Variants in LRP1B observed in about 807,000 individuals in gnomAD.
The protein encoded by LRP1B is LDL receptor related protein 1B, also known as low-density lipoprotein receptor-related protein 1B.
A neutral mutation model predicts 556.6 loss-of-function variants in LRP1B; 217 were observed. That is an observed-to-expected ratio of 0.39 (90% CI 0.35 to 0.44). LRP1B has a LOEUF of 0.44. LRP1B is among the 20% of genes least tolerant of loss of function. The pLI, the probability that LRP1B is intolerant of heterozygous loss-of-function variation, is 1.00. For synonymous variants in LRP1B, 2,047 were observed against 1,865.8 expected (o/e 1.10, Z -2.50); for missense variants, 5,053 against 5,620.8 (o/e 0.90, Z 3.23).
At chr2:140,658,047 A>T (rs1684954319) in intron 41 of LRP1B, among the ~76,000 whole-genome samples, 1 of 152,126 alleles carries the variant, frequency 6.6e-6, no homozygotes, top group Non-Finnish European at 1.5e-5. Context: ...AACATCACAC[A>T]TTCATAAGTT....
At chr2:141,782,380 C>A (rs1444896741) in intron 2 of LRP1B, among the ~76,000 whole-genome samples, 1 of 152,000 alleles carries the variant, frequency 6.6e-6, no homozygotes, top group African/African-American at 2.4e-5. Flanking sequence ...CCCGCTTATG[C>A]ATGTTTTTGA....
At chr2:140,347,411 A>G (rs1030810382) in intron 77 of LRP1B, among the ~76,000 whole-genome samples, 4 of 151,702 alleles carry the variant, frequency 2.6e-5, no homozygotes, top group African/African-American at 9.7e-5. Flanking sequence ...AATAATTATT[A>G]GTATTCTAAC....
chr2:141,240,585 T>A (rs1215075280), intron 5 of LRP1B, among the ~76,000 whole-genome samples: 5 of 151,894 alleles, frequency 3.3e-5, no homozygotes, highest in African/African-American at 4.8e-5. Context: ...AATTTTAAGA[T>A]AGAAAAAGAG....
chr2:141,221,424 C>T (rs752405245), intron 6 of LRP1B, among the ~76,000 whole-genome samples: 14 of 152,026 alleles, frequency 9.2e-5, no homozygotes, highest in African/African-American at 2.7e-4. Flanking sequence ...TTCTTAGAGA[C>T]GTACATAGTC....
At chr2:142,102,559 AAT>A (rs72387198) in intron 1 of LRP1B, among the ~76,000 whole-genome samples, 53,800 of 137,854 alleles carry the variant, frequency 0.39, 10,515 homozygotes, top group East Asian at 0.65. Context: ...AAAATAAAAA[AAT>A]AAAAAAGTAA....
At chr2:140,655,032 G>GTATATATATATATATA (rs145869246) in intron 41 of LRP1B, among the ~76,000 whole-genome samples, 3,160 of 147,002 alleles carry the variant, frequency 0.021, 61 homozygotes, top group Non-Finnish European at 0.033. Context: ...GTATATGTAT[G>GTATATATATATATATA]TATATATATA....
chr2:140,578,280 G>A (rs750534775), intron 43 of LRP1B, among the ~76,000 whole-genome samples: 6 of 150,972 alleles, frequency 4.0e-5, no homozygotes, highest in Admixed American at 6.6e-5. Flanking sequence ...TTTCACTTTC[G>A]TTCTCATCTA....
intron 35 of LRP1B, among the ~76,000 whole-genome samples, chr2:140,721,536 CTTTTTT>C (rs10616730): frequency 7.2e-5 from 5 of 69,568 alleles, no homozygotes; most frequent in African/African-American, 1.8e-4. Context: ...CAAAGATGCA[CTTTTTT>C]TTTTTTTTTT....
chr2:141,426,002 A>G (rs888473786), intron 3 of LRP1B, among the ~76,000 whole-genome samples: 1 of 151,198 alleles, frequency 6.6e-6, no homozygotes, highest in Non-Finnish European at 1.5e-5. Flanking sequence ...GCCCATGCCT[A>G]TGTCCTGAAT....
chr2:140,926,054 TTC>T (rs1282962840), intron 20 of LRP1B, among the ~76,000 whole-genome samples: 17 of 50,942 alleles, frequency 3.3e-4, no homozygotes, highest in African/African-American at 6.3e-4. Context: ...CCTGGAGATT[TTC>T]TTTTTTTTTT....
intron 2 of LRP1B, among the ~76,000 whole-genome samples, chr2:141,715,462 C>A (rs1692549774): frequency 6.6e-6 from 1 of 151,880 alleles, no homozygotes; most frequent in Non-Finnish European, 1.5e-5. Context: ...CAGAGCAAGA[C>A]CCTATCTCAA....
chr2:141,732,368 T>A (rs74420414), intron 2 of LRP1B, among the ~76,000 whole-genome samples: 1 of 143,192 alleles, frequency 7.0e-6, no homozygotes, highest in East Asian at 2.1e-4. Context: ...CATTTTTTTT[T>A]AAATGTGGGA....
At chr2:140,849,303 T>C (rs958467971) in intron 29 of LRP1B, among the ~76,000 whole-genome samples, 1 of 147,958 alleles carries the variant, frequency 6.8e-6, no homozygotes, top group African/African-American at 2.5e-5. Flanking sequence ...ACCTGGTAGA[T>C]GGAGGTTGCA....
intron 20 of LRP1B, among the ~76,000 whole-genome samples, chr2:140,940,485 G>A (rs572128810): frequency 4.6e-5 from 7 of 152,226 alleles, no homozygotes; most frequent in African/African-American, 1.7e-4. Context: ...AGAAAAGACT[G>A]AAGTTTCATG....
intron 3 of LRP1B, among the ~76,000 whole-genome samples, chr2:141,321,037 C>A (rs1195207867): frequency 6.6e-6 from 1 of 151,986 alleles, no homozygotes; most frequent in African/African-American, 2.4e-5. Flanking sequence ...AAACTTTGTT[C>A]TTTATCAAAA....
intron 7 of LRP1B, among the ~76,000 whole-genome samples, chr2:141,151,550 G>C (rs950114532): frequency 3.3e-5 from 5 of 152,022 alleles, no homozygotes; most frequent in South Asian, 2.1e-4. Flanking sequence ...AGACACAATT[G>C]CTTATTTTAT....
intron 7 of LRP1B, among the ~76,000 whole-genome samples, chr2:141,085,440 G>C (rs1700027423): frequency 6.6e-6 from 1 of 152,118 alleles, no homozygotes; most frequent in African/African-American, 2.4e-5. Flanking sequence ...AATCTAATTA[G>C]ACTGATGTCC....
At chr2:141,500,996 A>G (rs1683692006) in intron 2 of LRP1B, among the ~76,000 whole-genome samples, 1 of 152,036 alleles carries the variant, frequency 6.6e-6, no homozygotes. Flanking sequence ...TAGATGATAT[A>G]CTTATGTAAA....
At chr2:140,458,012 T>A (rs76914694) in intron 60 of LRP1B, among the ~76,000 whole-genome samples, 2,322 of 151,328 alleles carry the variant, frequency 0.015, 61 homozygotes, top group African/African-American at 0.052. Context: ...ATATACATAT[T>A]TACATATATA....
Sources: gnomAD v4.1 joint callset for allele counts (sites outside exome capture counted in the v4.1 genomes callset) on GRCh38, gnomAD v4.1.1 for gene constraint, MANE v1.5 for transcripts, NCBI Gene and HGNC (gene_info 2026-07-23, HGNC 2026-07-21) for gene names.